The following PCDHGA2 variants were observed in gnomAD, a reference collection of about 807,000 sequenced individuals.
PCDHGA2 encodes the protein protocadherin gamma subfamily A, 2.
Under a neutral mutation model 59.2 loss-of-function variants are expected in PCDHGA2, and 40 were observed. The observed-to-expected ratio is 0.68, with a 90% CI of 0.52 to 0.88. The LOEUF is 0.88. Among genes scored for constraint, PCDHGA2 ranks in the 40% least tolerant of loss-of-function variants. The probability of loss-of-function intolerance (pLI) is 0.00; values close to 1 mark genes in which losing one functional copy is unlikely to be tolerated. For synonymous variants in PCDHGA2, 560 were observed against 526.0 expected (o/e 1.06, Z -0.89); for missense variants, 1,226 against 1,204.0 (o/e 1.02, Z -0.27).
chr5:141,362,819 G>T lies in PCDHGA2; in HGVS notation c.2424+21424G>T, dbSNP rs73265837. On this transcript the variant is annotated intron_variant, in intron 1 of 3. Transcript: ENST00000394576. Reference sequence around the variant, plus strand: ...CATCTTTACATTACTTCTCTCTGCAGATTTGTTGCTATTGAGACTTTAGGC... The same window carrying T: ...CATCTTTACATTACTTCTCTCTGCATATTTGTTGCTATTGAGACTTTAGGC... 9.1e-3 allele frequency among the ~76,000 whole-genome samples: 1,386 copies of T among 152,280 alleles called. 21 individuals are homozygous for T. Among genetic ancestry groups the T allele is most frequent in the African/African-American group, 0.032 (1,315 of 41,542 alleles).
intron 1 of PCDHGA2, chr5:141,416,482 A>G (rs1009921478): frequency 6.6e-6 from 1 of 152,210 alleles, no homozygotes; most frequent in East Asian, 1.9e-4. Context: ...TGTTCCCGAG[A>G]ACAGGAGCAA....
intron 1 of PCDHGA2, among the ~76,000 whole-genome samples, chr5:141,425,105 G>C (rs1227234896): frequency 2.0e-5 from 3 of 152,236 alleles, no homozygotes; most frequent in African/African-American, 7.2e-5. Flanking sequence ...TCCAACAGAT[G>C]CCTACATTTT....
intron 1 of PCDHGA2, among the ~76,000 whole-genome samples, chr5:141,459,176 T>C (rs2098962762): frequency 6.6e-6 from 1 of 152,210 alleles, no homozygotes. Context: ...CTTCAAAAGT[T>C]CCCTCATGCC....
chr5:141,355,486 T>C, intron 1 of PCDHGA2: 1 of 1,614,064 alleles, frequency 6.2e-7, no homozygotes, highest in Non-Finnish European at 8.5e-7. Context: ...GGAGGAGCTC[T>C]GCGACAGATC....
rs1303712746 is a variant in PCDHGA2 at position 141,512,800 on chromosome 5, C to G, written c.*1627C>G. The G allele has an allele frequency of 1.3e-5, 2 of 152,238 alleles. No homozygotes were observed. Among genetic ancestry groups the G allele is most frequent in the African/African-American group, 4.8e-5 (2 of 41,434 alleles). The allele number at this position is 152,238 out of a possible 1,614,324, so 9.4% of individuals were successfully genotyped here. A position where few individuals can be genotyped will look rare whatever the true frequency, so the allele number is the denominator to read the frequency against. On this transcript the variant is annotated 3_prime_UTR_variant, in exon 4 of 4. Coordinates refer to ENST00000394576, the MANE Select transcript of PCDHGA2 (RefSeq NM_018915.4). Reference sequence around the variant, plus strand: ...GCCCGTGTTGTGTTTTGTGCTGTGTCCACGCGCTAAGGCGACCCCCTCCCC... The same window carrying G: ...GCCCGTGTTGTGTTTTGTGCTGTGTGCACGCGCTAAGGCGACCCCCTCCCC...
In PCDHGA2 at chr5:141,375,771, T is replaced by C. The variant is rs570278414; in HGVS notation, c.2424+34376T>C. ...CAGAATGACAATGCGCCCGAGATCC[T>C]GTACCCCGCCCTCCCCACAGACGGT... On this transcript the variant is annotated intron_variant, in intron 1 of 3. Transcript: ENST00000394576. 16 of 1,614,130 alleles carry C rather than the reference T, an allele frequency of 9.9e-6. No individual in the cohort carries two copies. Among genetic ancestry groups the C allele is most frequent in the Middle Eastern group, 1.6e-4 (1 of 6,084 alleles).
At chr5:141,387,877 C>T in intron 1 of PCDHGA2, 1 of 1,585,868 alleles carries the variant, frequency 6.3e-7, no homozygotes, top group Non-Finnish European at 8.6e-7. Flanking sequence ...CTGAGGAGAG[C>T]AAGAGGGATG....
chr5:141,478,352 G>T lies in PCDHGA2; in HGVS notation c.2425-16455G>T, dbSNP rs767743120. 36 of 1,613,674 alleles carry T rather than the reference G, an allele frequency of 2.2e-5. No homozygotes were observed. Among genetic ancestry groups the T allele is most frequent in the Non-Finnish European group, 3.1e-5 (36 of 1,180,016 alleles). On this transcript the variant is annotated intron_variant, in intron 1 of 3. Transcript: ENST00000394576. ...ACCAGGGCCCTCCTTGCACGCGGACGCCGTGCGGGGAGGCCTGATGTCGCC... is the reference window on the plus strand; with the variant it reads ...ACCAGGGCCCTCCTTGCACGCGGACTCCGTGCGGGGAGGCCTGATGTCGCC...
intron 3 of PCDHGA2, 61 bp downstream of exon 3, chr5:141,505,542 A>G (rs2099846540): frequency 6.2e-7 from 1 of 1,604,832 alleles, no homozygotes; most frequent in African/African-American, 1.3e-5. Context: ...GGTGCATCTC[A>G]CAGCCACCAT....
chr5:141,357,656 A>G, intron 1 of PCDHGA2: 1 of 1,605,850 alleles, frequency 6.2e-7, no homozygotes, highest in Non-Finnish European at 8.5e-7. Flanking sequence ...TACCACACTG[A>G]AATATAGACA....
intron 1 of PCDHGA2, chr5:141,384,679 G>T: frequency 6.2e-7 from 1 of 1,614,216 alleles, no homozygotes; most frequent in Non-Finnish European, 8.5e-7. Context: ...GGTGGTGGCG[G>T]TGGACAAAGA....
At chr5:141,374,028 G>A (rs1417226376) in intron 1 of PCDHGA2, 1 of 1,418,506 alleles carries the variant, frequency 7.0e-7, no homozygotes, top group Non-Finnish European at 9.3e-7. Context: ...GAGCAAAAGT[G>A]ATGCAGATCT....
intron 1 of PCDHGA2, chr5:141,428,067 G>A (rs753358896): frequency 6.2e-7 from 1 of 1,609,228 alleles, no homozygotes; most frequent in South Asian, 1.1e-5. Flanking sequence ...GGTGGACGCA[G>A]ATTCGGGACA....
At chr5:141,395,431 C>T (rs929194882) in intron 1 of PCDHGA2, 19 of 702,102 alleles carry the variant, frequency 2.7e-5, no homozygotes, top group Non-Finnish European at 4.0e-5. Context: ...TGCTTTTAAA[C>T]GACTTGGAAA....
chr5:141,468,845 A>G (rs1426852752), intron 1 of PCDHGA2, among the ~76,000 whole-genome samples: 3 of 152,150 alleles, frequency 2.0e-5, no homozygotes, highest in Non-Finnish European at 2.9e-5. Flanking sequence ...CAGCCTGGGC[A>G]ACAGAGCGAG....
intron 1 of PCDHGA2, 83 bp downstream of exon 1, chr5:141,341,478 C>T (rs1351517337): frequency 1.9e-6 from 3 of 1,580,856 alleles, no homozygotes; most frequent in Admixed American, 3.6e-5. Context: ...ATTTTGTTCC[C>T]CATATTTCCT....
chr5:141,394,475 C>T (rs1205262995), intron 1 of PCDHGA2: 1 of 1,614,242 alleles, frequency 6.2e-7, no homozygotes, highest in South Asian at 1.1e-5. Context: ...TCGTGCTGGA[C>T]CAGAATGACA....
intron 1 of PCDHGA2, among the ~76,000 whole-genome samples, chr5:141,465,879 T>C (rs979784878): frequency 6.6e-6 from 1 of 152,062 alleles, no homozygotes; most frequent in African/African-American, 2.4e-5. Context: ...TCCCAGCACT[T>C]TGGGAGGCCG....
intron 1 of PCDHGA2, among the ~76,000 whole-genome samples, chr5:141,443,866 T>C (rs1017854695): frequency 6.6e-6 from 1 of 151,986 alleles, no homozygotes; most frequent in Non-Finnish European, 1.5e-5. Context: ...ACTGAAAAAA[T>C]TACTGATAAG....
Sources: gnomAD v4.1 joint callset for allele counts (sites outside exome capture counted in the v4.1 genomes callset) on GRCh38, gnomAD v4.1.1 for gene constraint, MANE v1.5 for transcripts, NCBI Gene and HGNC (gene_info 2026-07-23, HGNC 2026-07-21) for gene names.